EYS: variants seen among roughly 807,000 people sequenced by gnomAD.
EYS encodes the protein EGF-like photoreceptor maintenance factor.
A neutral mutation model predicts 282.1 loss-of-function variants in EYS; 250 were observed. The observed-to-expected ratio is 0.89, with a 90% CI of 0.80 to 0.98. The LOEUF is 0.98. Among genes scored for constraint, EYS ranks in the 50% least tolerant of loss-of-function variants. EYS has a pLI of 0.00. For missense variants in EYS, 4,016 were observed against 3,709.0 expected (o/e 1.08, Z -2.15); for synonymous variants, 1,355 against 1,282.9 (o/e 1.06, Z -1.20).
Position 65,495,693 on chromosome 6 carries a change from A to G in EYS, c.-197-86T>C, listed in dbSNP as rs41273633. 8,612 of 481,244 alleles carry G rather than the reference A, an allele frequency of 0.018. 466 individuals are homozygous for G. Among genetic ancestry groups the G allele is most frequent in the African/African-American group, 0.13 (6,714 of 51,466 alleles). 29.8% of individuals were successfully genotyped at this position (481,244 alleles called of 1,614,324 possible). A position where few individuals can be genotyped will look rare whatever the true frequency, so the allele number is the denominator to read the frequency against. On this transcript the variant is annotated intron_variant, in intron 3 of 42. Coordinates refer to ENST00000503581, the MANE Select transcript of EYS (RefSeq NM_001142800.2). ...AATGCTAGCTCTTTTTGTGGATTTCATAAGAGCCTACACTGCAAAGATAGT... is the reference window on the plus strand; with the variant it reads ...AATGCTAGCTCTTTTTGTGGATTTCGTAAGAGCCTACACTGCAAAGATAGT...
intron 14 of EYS, among the ~76,000 whole-genome samples, chr6:64,965,254 AAT>A (rs1322998147): frequency 6.6e-6 from 1 of 152,060 alleles, no homozygotes; most frequent in African/African-American, 2.4e-5. Context: ...GAATTGACAA[AAT>A]ATTCCTGCTT....
intron 31 of EYS, among the ~76,000 whole-genome samples, chr6:64,134,663 G>A (rs567318282): frequency 1.3e-5 from 2 of 152,106 alleles, no homozygotes; most frequent in Non-Finnish European, 2.9e-5. Flanking sequence ...ATAGAAAGAA[G>A]TTAAAGACAA....
At chr6:65,065,975 A>C (rs1773733369) in intron 12 of EYS, among the ~76,000 whole-genome samples, 1 of 152,230 alleles carries the variant, frequency 6.6e-6, no homozygotes, top group African/African-American at 2.4e-5. Context: ...CCTCCTGCAA[A>C]ATAAGCATAT....
intron 30 of EYS, among the ~76,000 whole-genome samples, chr6:64,246,711 T>C (rs1260273304): frequency 6.6e-6 from 1 of 152,200 alleles, no homozygotes; most frequent in African/African-American, 2.4e-5. Context: ...GAAGTATTTT[T>C]TGACTTTACC....
intron 12 of EYS, among the ~76,000 whole-genome samples, chr6:65,205,735 G>T (rs1255155524): frequency 6.6e-6 from 1 of 151,734 alleles, no homozygotes; most frequent in African/African-American, 2.4e-5. Context: ...TTACCAAGAA[G>T]AACTCTCAAA....
intron 35 of EYS, among the ~76,000 whole-genome samples, chr6:63,922,683 T>A (rs1226327658): frequency 2.0e-5 from 3 of 152,228 alleles, no homozygotes; most frequent in African/African-American, 7.2e-5. Context: ...ACTATTAATT[T>A]TCCTTTCATA....
chr6:65,431,409 T>A (rs925197585), intron 5 of EYS, among the ~76,000 whole-genome samples: 7 of 152,192 alleles, frequency 4.6e-5, no homozygotes, highest in Non-Finnish European at 1.0e-4. Flanking sequence ...GATAGTTGTC[T>A]TCTATTCAGC....
At chr6:64,899,276 C>G (rs1235520208) in intron 18 of EYS, among the ~76,000 whole-genome samples, 4 of 152,018 alleles carry the variant, frequency 2.6e-5, no homozygotes, top group African/African-American at 9.7e-5. Context: ...GTGCAACAAA[C>G]TAGAACTCAG....
intron 33 of EYS, among the ~76,000 whole-genome samples, chr6:64,055,130 G>A (rs1180353010): frequency 6.6e-6 from 1 of 152,132 alleles, no homozygotes; most frequent in Non-Finnish European, 1.5e-5. Context: ...AAGCTGCAAA[G>A]GAAGACAAGC....
At chr6:64,632,636 A>G (rs1013050644) in intron 22 of EYS, among the ~76,000 whole-genome samples, 3 of 1,890 alleles carry the variant, frequency 1.6e-3, no homozygotes, top group Admixed American at 0.014. Flanking sequence ...ATGAATGGCC[A>G]TGGGCTTACA....
At chr6:64,873,809 T>C (rs1766665241) in intron 19 of EYS, among the ~76,000 whole-genome samples, 1 of 152,042 alleles carries the variant, frequency 6.6e-6, no homozygotes, top group Non-Finnish European at 1.5e-5. Context: ...CATAAATATA[T>C]ACAATTACTA....
chr6:65,076,709 C>CAT (rs986841868), intron 12 of EYS, among the ~76,000 whole-genome samples: 4 of 150,966 alleles, frequency 2.6e-5, no homozygotes, highest in Non-Finnish European at 4.4e-5. Flanking sequence ...CACACACATA[C>CAT]ATATATATAC....
intron 2 of EYS, among the ~76,000 whole-genome samples, chr6:65,535,041 T>C (rs922621717): frequency 2.6e-5 from 4 of 152,000 alleles, no homozygotes; most frequent in African/African-American, 9.7e-5. Flanking sequence ...ACAAAAGCAA[T>C]AGGAGATATT....
chr6:63,776,551 A>G (rs999160459), intron 40 of EYS, among the ~76,000 whole-genome samples: 1 of 152,194 alleles, frequency 6.6e-6, no homozygotes, highest in African/African-American at 2.4e-5. Flanking sequence ...ATAATATTTT[A>G]AAAAATGCTT....
chr6:64,462,567 C>T (rs1037308918), intron 26 of EYS, among the ~76,000 whole-genome samples: 2 of 152,036 alleles, frequency 1.3e-5, no homozygotes, highest in African/African-American at 4.8e-5. Context: ...TCTAGTGTCG[C>T]CACTTCCTGA....
chr6:63,907,561 G>A (rs758734908), intron 35 of EYS, among the ~76,000 whole-genome samples: 2 of 151,996 alleles, frequency 1.3e-5, no homozygotes, highest in Non-Finnish European at 2.9e-5. Context: ...TCCTCTTTAC[G>A]ACAGTCCAAA....
At chr6:64,215,166 G>A (rs576819340) in intron 31 of EYS, among the ~76,000 whole-genome samples, 21 of 152,076 alleles carry the variant, frequency 1.4e-4, no homozygotes, top group African/African-American at 5.1e-4. Flanking sequence ...TATGAAATAT[G>A]AAAATGAAGG....
intron 2 of EYS, among the ~76,000 whole-genome samples, chr6:65,544,688 G>C (rs998135965): frequency 1.3e-5 from 2 of 152,104 alleles, no homozygotes; most frequent in African/African-American, 4.8e-5. Context: ...AGCAGTGTGA[G>C]AATGGACTAA....
intron 5 of EYS, among the ~76,000 whole-genome samples, chr6:65,470,041 T>C (rs2127237840): frequency 6.6e-6 from 1 of 152,292 alleles, no homozygotes; most frequent in South Asian, 2.1e-4. Flanking sequence ...AGGATGTTTC[T>C]AGAGGAGTTT....
Sources: gnomAD v4.1 joint callset for allele counts (sites outside exome capture counted in the v4.1 genomes callset) on GRCh38, gnomAD v4.1.1 for gene constraint, MANE v1.5 for transcripts, NCBI Gene and HGNC (gene_info 2026-07-23, HGNC 2026-07-21) for gene names.